The following XKR4 variants were observed in gnomAD, a reference collection of about 807,000 sequenced individuals.
XKR4 encodes XK-related protein 4.
Under a neutral mutation model 53.9 loss-of-function variants are expected in XKR4, and 12 were observed. That is an observed-to-expected ratio of 0.22 (90% CI 0.14 to 0.36). The LOEUF (loss-of-function observed/expected upper bound fraction) is 0.36, where lower values mean the gene tolerates loss of function less well. Ranked by LOEUF, XKR4 falls within the 10% of genes least tolerant of loss-of-function variation. The pLI, the probability that XKR4 is intolerant of heterozygous loss-of-function variation, is 1.00. For synonymous variants in XKR4, 354 were observed against 362.4 expected (o/e 0.98, Z 0.26); for missense variants, 799 against 859.5 (o/e 0.93, Z 0.88).
At chr8:55,206,795 G>C (rs1300392548) in intron 1 of XKR4, among the ~76,000 whole-genome samples, 1 of 152,148 alleles carries the variant, frequency 6.6e-6, no homozygotes, top group African/African-American at 2.4e-5. Context: ...CAGGAGTAAA[G>C]ATTTAGATTT....
intron 2 of XKR4, chr8:55,453,898 A>T (rs1805504229): frequency 1.0e-5 from 6 of 596,020 alleles, no homozygotes; most frequent in South Asian, 9.0e-5. Flanking sequence ...ACTCCAACAC[A>T]AAGAGAGCAA....
At chr8:55,104,138 CTA>C (rs1816104927) in intron 1 of XKR4, among the ~76,000 whole-genome samples, 1 of 152,006 alleles carries the variant, frequency 6.6e-6, no homozygotes, top group African/African-American at 2.4e-5. Flanking sequence ...GAATACAAGG[CTA>C]AACTTGGGCA....
intron 1 of XKR4, among the ~76,000 whole-genome samples, chr8:55,246,566 T>C (rs1422747453): frequency 1.3e-5 from 2 of 152,202 alleles, no homozygotes; most frequent in East Asian, 3.8e-4. Flanking sequence ...ATCTCTCTTC[T>C]ACTTACTAAG....
chr8:55,485,688 C>T lies in XKR4; in HGVS notation c.1007-37593C>T, dbSNP rs571650621. On this transcript the variant is annotated intron_variant, in intron 2 of 2. Coordinates refer to ENST00000327381, the MANE Select transcript of XKR4 (RefSeq NM_052898.2). ...TGCTGGGATTACAGGCGTGAACCAC[C>T]GTACCCGGCCTAAGTGTTTCTTTTT... Among the ~76,000 whole-genome samples, 13 of 152,172 alleles carry T rather than the reference C, an allele frequency of 8.5e-5. No homozygotes were observed. The East Asian group carries it at 1.9e-3, about 23-fold the overall frequency.
chr8:55,167,883 AG>A (rs1817091339), intron 1 of XKR4, among the ~76,000 whole-genome samples: 1 of 152,216 alleles, frequency 6.6e-6, no homozygotes, highest in African/African-American at 2.4e-5. Context: ...TGGCCAGGGA[AG>A]TAGGGCAACC....
At chr8:55,333,534 T>C (rs1803409243) in intron 1 of XKR4, among the ~76,000 whole-genome samples, 1 of 152,194 alleles carries the variant, frequency 6.6e-6, no homozygotes, top group African/African-American at 2.4e-5. Context: ...TTCACCCCTT[T>C]TCTTTCTCAT....
chr8:55,336,095 T>C (rs2129381415), intron 1 of XKR4, among the ~76,000 whole-genome samples: 1 of 149,174 alleles, frequency 6.7e-6, no homozygotes, highest in African/African-American at 2.5e-5. Context: ...AAGTGGGTGA[T>C]ATGGTTTGGC....
rs144044361 is a variant in XKR4, at chr8:55,354,589, C to T, written c.807-3089C>T. The stretch of plus-strand genomic sequence containing the variant: ...ACCAGCTCAGCTATCCTGGCCCACT[C>T]ATCCCTCCTAAAAGTATAGGAAACT... On this transcript the variant is annotated intron_variant, in intron 1 of 2. Transcript: ENST00000327381. Among the ~76,000 whole-genome samples, 10 of 152,236 alleles carry T rather than the reference C, an allele frequency of 6.6e-5. No individual in the cohort carries two copies. In the East Asian group the frequency reaches 1.9e-3, roughly 29 times the overall value.
chr8:55,191,906 C>T (rs1043875012), intron 1 of XKR4, among the ~76,000 whole-genome samples: 7 of 151,878 alleles, frequency 4.6e-5, no homozygotes, highest in Non-Finnish European at 1.0e-4. Flanking sequence ...CTCCTGGAAT[C>T]TTTAATACAT....
chr8:55,250,674 A>G (rs926951140), intron 1 of XKR4, among the ~76,000 whole-genome samples: 1 of 152,236 alleles, frequency 6.6e-6, no homozygotes, highest in Non-Finnish European at 1.5e-5. Flanking sequence ...TGCACTTTCT[A>G]ATATCTAAGA....
At chr8:55,251,619 T>A (rs1406525555) in intron 1 of XKR4, among the ~76,000 whole-genome samples, 3 of 152,174 alleles carry the variant, frequency 2.0e-5, no homozygotes, top group Non-Finnish European at 4.4e-5. Context: ...TATCCAGAAT[T>A]TTTTTTAAGT....
intron 1 of XKR4, among the ~76,000 whole-genome samples, chr8:55,325,394 A>G (rs1031395887): frequency 1.3e-5 from 2 of 152,088 alleles, no homozygotes; most frequent in African/African-American, 2.4e-5. Flanking sequence ...TCTTCCACTC[A>G]TCTCTTGAAT....
intron 1 of XKR4, among the ~76,000 whole-genome samples, chr8:55,238,685 C>T (rs534609643): frequency 5.3e-5 from 8 of 152,056 alleles, no homozygotes; most frequent in Admixed American, 1.3e-4. Flanking sequence ...AACTGCCCAG[C>T]GAAAACCCAG....
chr8:55,248,293 T>C lies in XKR4; in HGVS notation c.807-109385T>C, dbSNP rs1450250275. ...TCTTTTTCATAGGCATACAATACTA[T>C]ATAGGCTTTCTAAATAGCTGATTCA... On this transcript the variant is annotated intron_variant, in intron 1 of 2. Transcript: ENST00000327381. 2.0e-5 allele frequency among the ~76,000 whole-genome samples: 3 copies of C among 152,232 alleles called. No individual in the cohort carries two copies. The East Asian group carries it at 5.8e-4, about 29-fold the overall frequency.
At chr8:55,262,357 T>G (rs148860739) in intron 1 of XKR4, among the ~76,000 whole-genome samples, 1 of 152,316 alleles carries the variant, frequency 6.6e-6, no homozygotes, top group African/African-American at 2.4e-5. Flanking sequence ...AGACAAAATA[T>G]CTAATAAGTG....
chr8:55,294,386 T>A (rs1819073812), intron 1 of XKR4, among the ~76,000 whole-genome samples: 1 of 152,214 alleles, frequency 6.6e-6, no homozygotes, highest in Non-Finnish European at 1.5e-5. Context: ...CTTCTCAAGG[T>A]ATCCGTGTTC....
At chr8:55,254,143 TA>T (rs2129370114) in intron 1 of XKR4, among the ~76,000 whole-genome samples, 1 of 152,200 alleles carries the variant, frequency 6.6e-6, no homozygotes, top group East Asian at 1.9e-4. Flanking sequence ...ATTAATTCTT[TA>T]ATCGAGCCTT....
chr8:55,221,650 C>A (rs900267136), intron 1 of XKR4, among the ~76,000 whole-genome samples: 1 of 152,174 alleles, frequency 6.6e-6, no homozygotes, highest in African/African-American at 2.4e-5. Flanking sequence ...TTCCCTCTCC[C>A]ACCCCCATCG....
At chr8:55,191,714 G>A (rs533572357) in intron 1 of XKR4, among the ~76,000 whole-genome samples, 4 of 144,384 alleles carry the variant, frequency 2.8e-5, no homozygotes, top group African/African-American at 1.0e-4. Flanking sequence ...GTTTCAGAAA[G>A]TGTTTTTAAT....
Sources: allele counts gnomAD v4.1 joint callset (sites outside exome capture counted in the v4.1 genomes callset), GRCh38; gene constraint gnomAD v4.1.1; transcripts MANE v1.5; gene names NCBI Gene and HGNC (gene_info 2026-07-23, HGNC 2026-07-21).